Variants in AUTS2 observed in about 807,000 individuals in gnomAD.
The protein encoded by AUTS2 is autism susceptibility gene 2 protein.
A neutral mutation model predicts 112.4 loss-of-function variants in AUTS2; 17 were observed. The ratio of observed to expected loss-of-function variants is 0.15; its 90% CI spans 0.10 to 0.23. The LOEUF is 0.23. Among genes scored for constraint, AUTS2 ranks in the 10% least tolerant of loss-of-function variants. The pLI is 1.00. For synonymous variants in AUTS2, 751 were observed against 702.7 expected (o/e 1.07, Z -1.09); for missense variants, 1,510 against 1,701.6 (o/e 0.89, Z 1.98).
intron 5 of AUTS2, among the ~76,000 whole-genome samples, chr7:70,500,100 C>G (rs1798711676): frequency 6.6e-6 from 1 of 151,886 alleles, no homozygotes; most frequent in Non-Finnish European, 1.5e-5. Flanking sequence ...CTAATCACAA[C>G]TACACGTTTC....
intron 5 of AUTS2, among the ~76,000 whole-genome samples, chr7:70,594,966 T>A (rs1803124382): frequency 6.6e-6 from 1 of 152,100 alleles, no homozygotes; most frequent in Admixed American, 6.5e-5. Flanking sequence ...TCGGGCGTGG[T>A]GGCACATGCC....
chr7:70,079,652 A>G (rs1026449496), intron 2 of AUTS2, among the ~76,000 whole-genome samples: 2 of 152,174 alleles, frequency 1.3e-5, no homozygotes, highest in African/African-American at 4.8e-5. Flanking sequence ...AGTATATGGT[A>G]GAAATACTAC....
At chr7:70,609,397 T>G (rs1304173473) in intron 5 of AUTS2, among the ~76,000 whole-genome samples, 1 of 131,184 alleles carries the variant, frequency 7.6e-6, no homozygotes, top group Non-Finnish European at 1.6e-5. Context: ...ATTGTCTTTT[T>G]TTTTTTTTTT....
At chr7:70,611,606 A>G (rs774206862) in intron 5 of AUTS2, among the ~76,000 whole-genome samples, 26 of 152,222 alleles carry the variant, frequency 1.7e-4, no homozygotes, top group Non-Finnish European at 3.5e-4. Flanking sequence ...AAATGGCTCT[A>G]AAAGGAGCTA....
intron 6 of AUTS2, among the ~76,000 whole-genome samples, chr7:70,715,951 A>G (rs1367975150): frequency 1.3e-5 from 2 of 152,346 alleles, no homozygotes; most frequent in African/African-American, 4.8e-5. Context: ...AAAATATAAT[A>G]TCCTAAAAGT....
intron 1 of AUTS2, among the ~76,000 whole-genome samples, chr7:69,867,508 G>A (rs145121034): frequency 1.1e-3 from 174 of 152,236 alleles, no homozygotes; most frequent in African/African-American, 3.9e-3. Context: ...AAATATGGTC[G>A]TGAATATTTT....
intron 6 of AUTS2, among the ~76,000 whole-genome samples, chr7:70,756,637 G>A (rs1789228626): frequency 6.6e-6 from 1 of 152,102 alleles, no homozygotes; most frequent in Non-Finnish European, 1.5e-5. Context: ...GACAATGTTT[G>A]ACTTTATATC....
At chr7:70,740,268 C>T (rs867823674) in intron 6 of AUTS2, among the ~76,000 whole-genome samples, 4 of 152,200 alleles carry the variant, frequency 2.6e-5, no homozygotes, top group Admixed American at 6.5e-5. Flanking sequence ...TTTTTACAGT[C>T]CTTCAGGTTT....
chr7:70,313,451 C>T lies in AUTS2; in HGVS notation c.661-122301C>T, dbSNP rs150634369. Among the ~76,000 whole-genome samples, 94 of 152,290 alleles carry T rather than the reference C, an allele frequency of 6.2e-4. 1 individual carries two copies. The East Asian group carries it at 0.017, about 27-fold the overall frequency. On this transcript the variant is annotated intron_variant, in intron 4 of 18. Coordinates refer to ENST00000342771, the MANE Select transcript of AUTS2 (RefSeq NM_015570.4). ...TCTCCTTGGGATCCCAAGCGGAACC[C>T]TGTTGTTCTAACAGTAAACATGCTC...
At chr7:70,334,255 C>A (rs897480591) in intron 4 of AUTS2, among the ~76,000 whole-genome samples, 1 of 152,136 alleles carries the variant, frequency 6.6e-6, no homozygotes, top group Non-Finnish European at 1.5e-5. Context: ...CATGTTGAGG[C>A]AATTCCCTTC....
chr7:70,070,903 A>AGAGG (rs1229067841), intron 2 of AUTS2, among the ~76,000 whole-genome samples: 2 of 150,806 alleles, frequency 1.3e-5, no homozygotes, highest in African/African-American at 4.9e-5. Flanking sequence ...AGAAAGGGAG[A>AGAGG]GAGGGAGGGA....
chr7:69,966,987 A>G (rs1797657871), intron 2 of AUTS2, among the ~76,000 whole-genome samples: 1 of 152,202 alleles, frequency 6.6e-6, no homozygotes, highest in Non-Finnish European at 1.5e-5. Context: ...AGTAAGAGAA[A>G]GCTGTCCCAA....
intron 4 of AUTS2, among the ~76,000 whole-genome samples, chr7:70,215,828 A>T (rs762263888): frequency 1.3e-5 from 2 of 152,224 alleles, no homozygotes; most frequent in Non-Finnish European, 2.9e-5. Context: ...GTCAGAGGTC[A>T]TAAGCTCATA....
intron 1 of AUTS2, among the ~76,000 whole-genome samples, chr7:69,706,872 C>T (rs1035681966): frequency 5.9e-5 from 9 of 152,126 alleles, no homozygotes; most frequent in East Asian, 5.8e-4. Flanking sequence ...TTTGGTTACA[C>T]GATATCTTGC....
At chr7:69,931,810 G>C (rs1796237643) in intron 2 of AUTS2, among the ~76,000 whole-genome samples, 1 of 152,126 alleles carries the variant, frequency 6.6e-6, no homozygotes, top group Admixed American at 6.5e-5. Context: ...CTGCATAAAG[G>C]GCTCTTCAAG....
At chr7:69,922,176 A>G (rs919163803) in intron 2 of AUTS2, among the ~76,000 whole-genome samples, 2 of 152,246 alleles carry the variant, frequency 1.3e-5, no homozygotes, top group Admixed American at 1.3e-4. Context: ...ATCAAATTGC[A>G]TCATCTTTGG....
chr7:69,805,927 C>G (rs1790281934), intron 1 of AUTS2, among the ~76,000 whole-genome samples: 1 of 152,058 alleles, frequency 6.6e-6, no homozygotes, highest in South Asian at 2.1e-4. Flanking sequence ...GAGACAGGGT[C>G]TTACTCTGTT....
chr7:70,622,870 T>C (rs1329006939), intron 5 of AUTS2, among the ~76,000 whole-genome samples: 3 of 152,226 alleles, frequency 2.0e-5, no homozygotes, highest in African/African-American at 4.8e-5. Flanking sequence ...CTGTGTTTTA[T>C]TACCACTGCA....
chr7:69,634,180 C>T (rs893313252), intron 1 of AUTS2, among the ~76,000 whole-genome samples: 3 of 150,166 alleles, frequency 2.0e-5, no homozygotes, highest in African/African-American at 2.5e-5. Flanking sequence ...AGTGCAGTGG[C>T]GCAATCTCGG....
Sources: allele counts gnomAD v4.1 joint callset (sites outside exome capture counted in the v4.1 genomes callset), GRCh38; gene constraint gnomAD v4.1.1; transcripts MANE v1.5; gene names NCBI Gene and HGNC (gene_info 2026-07-23, HGNC 2026-07-21).